Variants in XRCC6 observed in about 807,000 individuals in gnomAD.
XRCC6 encodes DNA repair protein Ku70.
Under a neutral mutation model 65.7 loss-of-function variants are expected in XRCC6, and 5 were observed. That is an observed-to-expected ratio of 0.08 (90% CI 0.04 to 0.16). The LOEUF is 0.16. XRCC6 is among the 10% of genes least tolerant of loss of function. XRCC6 has a pLI of 1.00. For synonymous variants in XRCC6, 270 were observed against 270.6 expected (o/e 1.00, Z 0.02); for missense variants, 447 against 738.1 (o/e 0.61, Z 4.57).
At chr22:41,626,302 G>T (rs956502044) in intron 2 of XRCC6, among the ~76,000 whole-genome samples, 1 of 138,800 alleles carries the variant, frequency 7.2e-6, no homozygotes, top group Non-Finnish European at 1.6e-5. Context: ...GCCACTACAC[G>T]CAGCTAATTT....
chr22:41,663,260 A>C (rs1476476209), intron 12 of XRCC6, among the ~76,000 whole-genome samples: 1 of 152,062 alleles, frequency 6.6e-6, no homozygotes, highest in African/African-American at 2.4e-5. Flanking sequence ...GCACACCACC[A>C]TGGCCGGTTG....
At chr22:41,646,660 A>G (rs2147099236) in intron 6 of XRCC6, among the ~76,000 whole-genome samples, 1 of 152,308 alleles carries the variant, frequency 6.6e-6, no homozygotes, top group African/African-American at 2.4e-5. Flanking sequence ...TTGCAAAGGG[A>G]TACGCAACCT....
intron 6 of XRCC6, among the ~76,000 whole-genome samples, chr22:41,640,937 G>A (rs2067868823): frequency 6.6e-6 from 1 of 152,040 alleles, no homozygotes; most frequent in South Asian, 2.1e-4. Flanking sequence ...TTAGTAAAAT[G>A]GGAGCAAAAA....
intron 9 of XRCC6, 48 bp from the exon 10 acceptor site, chr22:41,656,855 C>G: frequency 6.2e-7 from 1 of 1,610,134 alleles, no homozygotes; most frequent in South Asian, 1.1e-5. Flanking sequence ...AAACAAGTGA[C>G]TGCAACACTT....
intron 3 of XRCC6, among the ~76,000 whole-genome samples, chr22:41,628,896 G>A (rs1020536987): frequency 2.0e-5 from 3 of 149,820 alleles, no homozygotes; most frequent in South Asian, 2.1e-4. Flanking sequence ...AACCCAGGAG[G>A]CGGAGGTTAC....
intron 6 of XRCC6, among the ~76,000 whole-genome samples, chr22:41,641,622 G>A (rs1381440553): frequency 1.3e-5 from 2 of 151,948 alleles, no homozygotes; most frequent in South Asian, 4.1e-4. Context: ...ACCCTTCACA[G>A]CCTCTGGTAA....
intron 2 of XRCC6, among the ~76,000 whole-genome samples, chr22:41,624,008 C>T (rs1384330357): frequency 6.6e-6 from 1 of 151,762 alleles, no homozygotes; most frequent in East Asian, 2.0e-4. Flanking sequence ...CAGGTGTGAG[C>T]CACTGTGCGT....
chr22:41,622,202 C>T (rs1388050249), intron 2 of XRCC6, 116 bp downstream of exon 2: 2 of 1,105,648 alleles, frequency 1.8e-6, no homozygotes, highest in African/African-American at 1.6e-5. Context: ...CCAGATAATT[C>T]TGAAATTCTT....
At chr22:41,632,284 CAG>C (rs1366822747) in intron 3 of XRCC6, among the ~76,000 whole-genome samples, 2 of 152,158 alleles carry the variant, frequency 1.3e-5, no homozygotes, top group Non-Finnish European at 2.9e-5. Flanking sequence ...TGGAACTGAA[CAG>C]AAACTTTTCA....
intron 3 of XRCC6, among the ~76,000 whole-genome samples, chr22:41,629,744 A>G (rs374169567): frequency 3.2e-4 from 49 of 152,116 alleles, no homozygotes; most frequent in African/African-American, 1.0e-3. Context: ...ATCTTGGCTC[A>G]CTGCAAGCTC....
intron 2 of XRCC6, among the ~76,000 whole-genome samples, chr22:41,622,408 T>G (rs574319270): frequency 6.6e-6 from 1 of 152,180 alleles, no homozygotes; most frequent in African/African-American, 2.4e-5. Flanking sequence ...GTGTTACCAT[T>G]CCAGGACCTC....
At chr22:41,637,822 A>G (rs1320480401) in intron 6 of XRCC6, 31 bp downstream of exon 6, 2 of 1,603,914 alleles carry the variant, frequency 1.2e-6, no homozygotes, top group Non-Finnish European at 1.7e-6. Flanking sequence ...AGCTGCCTAC[A>G]CTGCCCTTAA....
intron 3 of XRCC6, among the ~76,000 whole-genome samples, chr22:41,629,833 C>A (rs1187292571): frequency 2.6e-5 from 4 of 151,980 alleles, no homozygotes; most frequent in Non-Finnish European, 2.9e-5. Context: ...CCATGCCTGG[C>A]TAATTTTTTG....
intron 7 of XRCC6, among the ~76,000 whole-genome samples, chr22:41,648,967 A>G (rs2067963090): frequency 7.2e-6 from 1 of 138,202 alleles, no homozygotes; most frequent in Non-Finnish European, 1.5e-5. Context: ...AAATACAAAC[A>G]TCATTGGGTA....
Position 41,628,188 on chromosome 22 carries a change from T to G in XRCC6, c.153T>G (p.Ser51=). ...LVDASKAMFE[S]QSEDELTPFD... is the part of the protein sequence containing the mutation. ...ATGCCTCCAAGGCTATGTTTGAATC[T>G]CAGAGTGAAGATGAGTTGACACCTT... Residue 51 remains serine (S), a synonymous_variant, in exon 3 of 13, where the codon TCT becomes TCG. Coordinates refer to ENST00000360079, the MANE Select transcript of XRCC6 (RefSeq NM_001469.5). 4 of 1,613,912 alleles carry G rather than the reference T, an allele frequency of 2.5e-6. No homozygotes were observed. Among genetic ancestry groups the G allele is most frequent in the Non-Finnish European group, 2.5e-6 (3 of 1,179,914 alleles).
intron 9 of XRCC6, 66 bp downstream of exon 9, chr22:41,653,756 C>T: frequency 6.5e-7 from 1 of 1,541,014 alleles, no homozygotes. Context: ...TCCATGGACT[C>T]CTAATGCAGA....
chr22:41,658,922 G>A (rs1451807476), intron 11 of XRCC6, among the ~76,000 whole-genome samples: 1 of 152,098 alleles, frequency 6.6e-6, no homozygotes, highest in Non-Finnish European at 1.5e-5. Context: ...AGAGCGAGAC[G>A]CTGTCTCAAA....
chr22:41,651,762 G>T (rs1053179690), intron 8 of XRCC6, among the ~76,000 whole-genome samples: 1 of 150,106 alleles, frequency 6.7e-6, no homozygotes. Flanking sequence ...TCCTGACCTC[G>T]TGAGCCACTG....
intron 6 of XRCC6, among the ~76,000 whole-genome samples, chr22:41,639,966 G>GTT (rs28384737): frequency 6.6e-6 from 1 of 151,240 alleles, no homozygotes; most frequent in African/African-American, 2.4e-5. Flanking sequence ...CCTAGATTCT[G>GTT]TTTTTTTTAG....
Sources: gnomAD v4.1 joint callset for allele counts (sites outside exome capture counted in the v4.1 genomes callset) on GRCh38, gnomAD v4.1.1 for gene constraint, MANE v1.5 for transcripts, NCBI Gene and HGNC (gene_info 2026-07-23, HGNC 2026-07-21) for gene names.